Variants in KIF7 observed in about 807,000 individuals in gnomAD.
KIF7 encodes the protein kinesin family member 7, also known as kinesin-like protein KIF7.
Under a neutral mutation model 135.7 loss-of-function variants are expected in KIF7, and 104 were observed. The observed-to-expected ratio is 0.77, with a 90% CI of 0.65 to 0.90. The LOEUF (loss-of-function observed/expected upper bound fraction) is 0.90. Ranked by LOEUF, KIF7 falls within the 40% of genes least tolerant of loss-of-function variation. The pLI, the probability that KIF7 is intolerant of heterozygous loss-of-function variation, is 0.00. For synonymous variants in KIF7, 883 were observed against 809.4 expected (o/e 1.09, Z -1.54); for missense variants, 2,005 against 1,839.1 (o/e 1.09, Z -1.65).
chr15:89,632,629 G>T (rs1237531299), intron 14 of KIF7, among the ~76,000 whole-genome samples, 191 bp downstream of exon 14: 1 of 152,174 alleles, frequency 6.6e-6, no homozygotes, highest in Non-Finnish European at 1.5e-5. Context: ...CCACCTAGAA[G>T]AAACTCTCCT....
rs750002097 is a variant in KIF7, at chr15:89,628,585, G to T, written c.3866C>A (p.Ser1289Tyr). Residue 1289 changes from serine to tyrosine, a missense_variant, in exon 19 of 19, where the codon TCC becomes TAC. Coordinates refer to ENST00000394412, the MANE Select transcript of KIF7 (RefSeq NM_198525.3). ...RSSLCGEEQGSPEELRQREAA... is the reference protein window; with the variant it reads ...RSSLCGEEQGYPEELRQREAA... The stretch of plus-strand genomic sequence containing the variant: ...CTCCCGCTGCCTCAGTTCCTCGGGG[G>T]ACCCCTGCTCCTCACCACACAGGCT... The T allele has an allele frequency of 2.5e-6, 4 of 1,613,392 alleles. No homozygotes were observed. The East Asian group carries it at 8.9e-5, about 36-fold the overall frequency.
At chr15:89,640,036 A>C (rs1028886197) in intron 11 of KIF7, among the ~76,000 whole-genome samples, 2 of 152,122 alleles carry the variant, frequency 1.3e-5, no homozygotes, top group African/African-American at 2.4e-5. Context: ...GTAAACTATC[A>C]CAAGAACAAA....
intron 10 of KIF7, 45 bp downstream of exon 10, chr15:89,644,968 G>T: frequency 6.2e-7 from 1 of 1,602,620 alleles, no homozygotes. Context: ...GTAACGATGA[G>T]AAGTCCCCCT....
In KIF7 at chr15:89,646,916, G is replaced by A; in HGVS notation, c.1702C>T (p.Leu568=). ...SFVPRPHTAP[L]GGAHAHVLGM... ...AGCACATGGGCGTGGGCACCCCCCAGGGGGGCTGTATGAGGTCGAGGCACA... is the reference window on the plus strand; with the variant it reads ...AGCACATGGGCGTGGGCACCCCCCAAGGGGGCTGTATGAGGTCGAGGCACA... Residue 568 remains leucine (L), a synonymous_variant, in exon 7 of 19, where the codon CTG becomes TTG. Coordinates refer to ENST00000394412, the MANE Select transcript of KIF7 (RefSeq NM_198525.3). 1 of 1,614,022 alleles carries A rather than the reference G, an allele frequency of 6.2e-7. No individual in the cohort carries two copies. The highest frequency in any genetic ancestry group is 8.5e-7 in the Non-Finnish European group (1 of 1,179,986).
At chr15:89,660,152 C>G (rs571929457), upstream of KIF7, among the ~76,000 whole-genome samples, 2 of 152,166 alleles carry the variant, frequency 1.3e-5, no homozygotes, top group African/African-American at 4.8e-5. Context: ...GAGCCAAGAT[C>G]GTACCACTGC....
In KIF7 at chr15:89,629,380, C is replaced by A; in HGVS notation, c.3512G>T (p.Ser1171Ile). Residue 1171 changes from serine (S) to isoleucine (I), a missense_variant, in exon 17 of 19, where the codon AGT (serine) becomes ATT (isoleucine). By Grantham distance (142) the Ser-to-Ile change is moderately radical. Coordinates refer to ENST00000394412, the MANE Select transcript of KIF7 (RefSeq NM_198525.3). The part of the protein sequence containing the change: ...EQNMQLLLQQ[S>I]RDHLGEGLAD... ...CCATGGGCCGGGCTGCTCACCTCGACTCTGCTGCAGGAGCAGCTGCATGTT... is the reference window on the plus strand; with the variant it reads ...CCATGGGCCGGGCTGCTCACCTCGAATCTGCTGCAGGAGCAGCTGCATGTT... The A allele has an allele frequency of 6.3e-7, 1 of 1,595,370 alleles. No individual in the cohort carries two copies. The highest frequency in any genetic ancestry group is 1.3e-5 in the African/African-American group (1 of 74,850).
chr15:89,628,902 C>T (rs12914042), intron 18 of KIF7, 74 bp downstream of exon 18: 4 of 1,611,740 alleles, frequency 2.5e-6, no homozygotes, highest in South Asian at 1.1e-5. Flanking sequence ...AATAAAGGCT[C>T]GAGGGAGAGT....
chr15:89,632,829 T>G lies in KIF7; in HGVS notation c.2886A>C (p.Arg962Ser). 1 of 1,605,710 alleles carries G rather than the reference T, an allele frequency of 6.2e-7. No homozygotes were observed. The highest frequency in any genetic ancestry group is 8.5e-7 in the Non-Finnish European group (1 of 1,179,486). The part of the protein sequence containing the change: ...EKTGLESKRL[R>S]SSQALNEDIV... ...CCTGGCAGGGCCTCACCTGGCTGGA[T>G]CTCAGGCGCTTGCTCTCCAGCCCCG... is the stretch of plus-strand genomic sequence containing the variant. Residue 962 changes from arginine (R) to serine (S), a missense_variant, in exon 14 of 19, where the codon AGA becomes AGC. Coordinates refer to ENST00000394412, the MANE Select transcript of KIF7 (RefSeq NM_198525.3).
upstream of KIF7, among the ~76,000 whole-genome samples, chr15:89,659,449 G>A (rs1021137696): frequency 6.9e-6 from 1 of 145,048 alleles, no homozygotes; most frequent in Non-Finnish European, 1.5e-5. Context: ...GAAAGAAAGA[G>A]AGAGAGAAAG....
intron 9 of KIF7, 64 bp downstream of exon 9, chr15:89,645,272 G>C: frequency 6.3e-7 from 1 of 1,599,074 alleles, no homozygotes; most frequent in Non-Finnish European, 8.6e-7. Flanking sequence ...GTCCCAAGGT[G>C]GCTGGCCCAG....
chr15:89,644,262 A>G (rs770779164), intron 10 of KIF7, among the ~76,000 whole-genome samples: 16 of 152,196 alleles, frequency 1.1e-4, no homozygotes, highest in Non-Finnish European at 2.4e-4. Context: ...TCATATCACC[A>G]GTCATAGGCA....
chr15:89,640,355 T>C (rs1963896290), intron 11 of KIF7, among the ~76,000 whole-genome samples: 1 of 152,086 alleles, frequency 6.6e-6, no homozygotes, highest in South Asian at 2.1e-4. Context: ...TACTACGACA[T>C]TTACGCACCA....
chr15:89,626,676 G>C (rs958197673), downstream of KIF7, among the ~76,000 whole-genome samples: 2 of 152,092 alleles, frequency 1.3e-5, no homozygotes, highest in Non-Finnish European at 2.9e-5. Flanking sequence ...CCAGAGATCT[G>C]AGACCTAGAA....
chr15:89,656,401 G>A (rs1964207750), upstream of KIF7, among the ~76,000 whole-genome samples: 1 of 150,712 alleles, frequency 6.6e-6, no homozygotes, highest in African/African-American at 2.5e-5. Flanking sequence ...AAAACGTCCA[G>A]AGGAAGAAGA....
the KIF7 span, among the ~76,000 whole-genome samples, chr15:89,662,554 TG>T: frequency 1.3e-5 from 2 of 152,162 alleles, no homozygotes; most frequent in African/African-American, 4.8e-5. Flanking sequence ...TGTATGTTAT[TG>T]TCTGTAATTG....
Position 89,628,674 on chromosome 15 carries a change from G to A in KIF7, c.3777C>T (p.Pro1259=). 5 of 1,613,032 alleles carry A rather than the reference G, an allele frequency of 3.1e-6. No homozygotes were observed. The highest frequency in any genetic ancestry group is 4.2e-6 in the Non-Finnish European group (5 of 1,179,886). The part of the protein sequence containing the change: ...LWLSPLTEGA[P]RTREETRDLV... Reference sequence around the variant, plus strand: ...AGTCCCGCGTCTCCTCCCGGGTGCGGGGGGCCCCCTCAGTGAGGGGGGACA... The same window carrying A: ...AGTCCCGCGTCTCCTCCCGGGTGCGAGGGGCCCCCTCAGTGAGGGGGGACA... The change falls in exon 19 of 19, where the codon CCC becomes CCT. Residue 1259 remains proline, a synonymous_variant. Coordinates refer to ENST00000394412, the MANE Select transcript of KIF7 (RefSeq NM_198525.3).
Position 89,645,903 on chromosome 15 carries a change from G to A in KIF7, c.1912C>T (p.His638Tyr), listed in dbSNP as rs1231810846. Reference protein sequence around the residue: ...EEEEPPRRTLHLRRNRISNCS... With the variant: ...EEEEPPRRTLYLRRNRISNCS... Reference sequence around the variant, plus strand: ...GTGGGTCCCACTCACCTGCGCAGGTGTAAGGTCCGCCTGGGCGGCTCCTCC... The same window carrying A: ...GTGGGTCCCACTCACCTGCGCAGGTATAAGGTCCGCCTGGGCGGCTCCTCC... Residue 638 changes from histidine to tyrosine, a missense_variant, in exon 8 of 19, where the codon CAC becomes TAC. By Grantham distance (83) the His-to-Tyr change is moderately conservative (BLOSUM62 2). Transcript: ENST00000394412. 2 of 1,613,478 alleles carry A rather than the reference G, an allele frequency of 1.2e-6. No individual in the cohort carries two copies. Among genetic ancestry groups the A allele is most frequent in the South Asian group, 1.1e-5 (1 of 91,076 alleles).
At chr15:89,639,100 G>A (rs1963868279) in intron 11 of KIF7, among the ~76,000 whole-genome samples, 1 of 151,992 alleles carries the variant, frequency 6.6e-6, no homozygotes, top group African/African-American at 2.4e-5. Flanking sequence ...GTAGAAAGCT[G>A]AAACTGGATC....
In KIF7 at chr15:89,648,348, C is replaced by T. The variant is rs1435938286; in HGVS notation, c.1350G>A (p.Glu450=). The change falls in exon 5 of 19, where the codon GAG becomes GAA. Residue 450 remains glutamate (E), a synonymous_variant. Transcript: ENST00000394412. ...CGGAGGCGGAGCTCAGGGCGCTGCG[C>T]TCGCCCTCGACGGCGCACAGCCAGT... ...VRDWLCAVEG[E]RSALSSASGP... is the part of the protein sequence containing the mutation. 2.7e-6 allele frequency: 4 copies of T among 1,460,122 alleles called. No homozygotes were observed. Among genetic ancestry groups the T allele is most frequent in the Non-Finnish European group, 3.6e-6 (4 of 1,104,398 alleles). 90.4% of individuals were successfully genotyped at this position (1,460,122 alleles called of 1,614,324 possible).
Sources: allele counts gnomAD v4.1 joint callset (sites outside exome capture counted in the v4.1 genomes callset), GRCh38; gene constraint gnomAD v4.1.1; transcripts MANE v1.5; gene names NCBI Gene and HGNC (gene_info 2026-07-23, HGNC 2026-07-21).